FAM174A: variants seen among roughly 807,000 people sequenced by gnomAD.
FAM174A encodes the protein family with sequence similarity 174 member A.
A neutral mutation model predicts 14.3 loss-of-function variants in FAM174A; 14 were observed. The ratio of observed to expected loss-of-function variants is 0.98; its 90% confidence interval spans 0.65 to 1.53. FAM174A has a LOEUF of 1.53. Ranked by LOEUF, FAM174A falls within the 40% of genes most tolerant of loss-of-function variation. The probability of loss-of-function intolerance (pLI) is 0.00; values close to 1 mark genes in which losing one functional copy is unlikely to be tolerated. For synonymous variants in FAM174A, 108 were observed against 111.4 expected, an observed-to-expected ratio of 0.97 and a Z score of 0.19; for missense variants, 241 against 249.6, an observed-to-expected ratio of 0.97 and a Z score of 0.23.
At chr5:100,559,226 G>C (rs562761348) in intron 1 of FAM174A, among the ~76,000 whole-genome samples, 76 of 152,180 alleles carry the variant, frequency 5.0e-4, no homozygotes, top group African/African-American at 1.7e-3. Context: ...TGAAATTCGT[G>C]GTTGAAAATT....
At chr5:100,543,213 G>A (rs576100043) in intron 1 of FAM174A, among the ~76,000 whole-genome samples, 2 of 151,798 alleles carry the variant, frequency 1.3e-5, no homozygotes, top group East Asian at 3.9e-4. Context: ...TGCCTCCCGG[G>A]CTCAAGCCAT....
At chr5:100,572,586 A>G (rs1270800557) in intron 2 of FAM174A, among the ~76,000 whole-genome samples, 2 of 151,840 alleles carry the variant, frequency 1.3e-5, no homozygotes, top group African/African-American at 4.9e-5. Flanking sequence ...TGAACTCATC[A>G]TTTTTTATGG....
chr5:100,580,473 A>G (rs909007833), intron 2 of FAM174A, among the ~76,000 whole-genome samples: 2 of 152,190 alleles, frequency 1.3e-5, no homozygotes, highest in Non-Finnish European at 2.9e-5. Context: ...AAACTGAAGA[A>G]CTTGGAGTCC....
At chr5:100,553,091 A>C (rs1746297106) in intron 1 of FAM174A, among the ~76,000 whole-genome samples, 1 of 152,084 alleles carries the variant, frequency 6.6e-6, no homozygotes, top group Non-Finnish European at 1.5e-5. Flanking sequence ...ATATATATGT[A>C]ATTGTCAACA....
chr5:100,577,633 G>T lies in FAM174A; in HGVS notation c.570-8548G>T, dbSNP rs184098265. Among the ~76,000 whole-genome samples, 906 of 152,104 alleles carry T rather than the reference G, an allele frequency of 6.0e-3. 10 individuals carry two copies. Among genetic ancestry groups the T allele is most frequent in the Middle Eastern group, 0.01 (3 of 292 alleles). ...TCTAAAACACTGTCTTAATTGTTGG[G>T]TATAACATAGTATCAGAATAAACAC... On this transcript the variant is annotated intron_variant, in intron 2 of 2. Coordinates refer to ENST00000312637, the MANE Select transcript of FAM174A (RefSeq NM_198507.3).
intron 1 of FAM174A, among the ~76,000 whole-genome samples, chr5:100,558,117 C>CT (rs1337752478): frequency 6.6e-6 from 1 of 152,148 alleles, no homozygotes; most frequent in Non-Finnish European, 1.5e-5. Context: ...GAATGTGTCC[C>CT]AGAGATTCTG....
chr5:100,539,175 T>G (rs1746003081), intron 1 of FAM174A, among the ~76,000 whole-genome samples: 1 of 152,122 alleles, frequency 6.6e-6, no homozygotes, highest in Admixed American at 6.6e-5. Context: ...GCATGAAATT[T>G]ATTATGATAG....
At chr5:100,542,258 A>G (rs1207680676) in intron 1 of FAM174A, among the ~76,000 whole-genome samples, 1 of 152,174 alleles carries the variant, frequency 6.6e-6, no homozygotes, top group Non-Finnish European at 1.5e-5. Context: ...TTCTTACGGG[A>G]TAGATGATTC....
intron 2 of FAM174A, among the ~76,000 whole-genome samples, chr5:100,568,572 G>A (rs964985130): frequency 3.4e-5 from 5 of 148,496 alleles, no homozygotes; most frequent in African/African-American, 1.2e-4. Flanking sequence ...TCTCTCCTGG[G>A]TTCTTTTTTG....
At position 100,551,399 on chromosome 5, in the gene FAM174A, C is replaced by T. The variant is rs555373724; in HGVS notation, c.435-10655C>T. 7.9e-5 allele frequency among the ~76,000 whole-genome samples: 12 copies of T among 152,224 alleles called. No individual in the cohort carries two copies. The East Asian group carries it at 1.4e-3, about 17-fold the overall frequency. ...GGCCATCCTGACTAACAGGGAACTC[C>T]GCTAATGGGCAGCCTTTGCTTACAG... On this transcript the variant is annotated intron_variant, in intron 1 of 2. Transcript: ENST00000312637.
chr5:100,572,814 G>T (rs1244928663), intron 2 of FAM174A, among the ~76,000 whole-genome samples: 1 of 152,122 alleles, frequency 6.6e-6, no homozygotes, highest in African/African-American at 2.4e-5. Flanking sequence ...CTAGATCCCT[G>T]AGGAATCGCC....
chr5:100,565,477 A>C (rs1473153758), intron 2 of FAM174A, among the ~76,000 whole-genome samples: 2 of 151,900 alleles, frequency 1.3e-5, no homozygotes, highest in African/African-American at 4.8e-5. Context: ...ATGTAAGTTA[A>C]TAGCCAAAAA....
chr5:100,539,410 T>C (rs1034237779), intron 1 of FAM174A, among the ~76,000 whole-genome samples: 1 of 152,170 alleles, frequency 6.6e-6, no homozygotes, highest in Non-Finnish European at 1.5e-5. Flanking sequence ...AGAATATTAA[T>C]TTAATTTGAA....
chr5:100,554,643 AT>A (rs35228489), intron 1 of FAM174A, among the ~76,000 whole-genome samples: 48,820 of 151,884 alleles, frequency 0.32, 9,505 homozygotes, highest in African/African-American at 0.54. Flanking sequence ...AAGACAATAC[AT>A]TTATTATTTC....
chr5:100,545,505 T>C (rs1746147823), intron 1 of FAM174A, among the ~76,000 whole-genome samples: 1 of 152,130 alleles, frequency 6.6e-6, no homozygotes, highest in South Asian at 2.1e-4. Context: ...GCATGTAATG[T>C]CAATTCTTTC....
At chr5:100,551,383 G>C (rs1471989925) in intron 1 of FAM174A, among the ~76,000 whole-genome samples, 1 of 152,120 alleles carries the variant, frequency 6.6e-6, no homozygotes, top group Non-Finnish European at 1.5e-5. Context: ...TGGCCATCCT[G>C]ACTAACAGGG....
chr5:100,581,331 T>A, intron 2 of FAM174A: 2 of 976,992 alleles, frequency 2.0e-6, no homozygotes, highest in South Asian at 9.5e-5. Context: ...CCATATTGAT[T>A]CTCCACTTTT....
intron 2 of FAM174A, among the ~76,000 whole-genome samples, chr5:100,574,115 T>G (rs991090677): frequency 8.5e-5 from 13 of 152,194 alleles, no homozygotes; most frequent in African/African-American, 2.2e-4. Context: ...GTGAGCACAA[T>G]GTACCACTGA....
chr5:100,567,635 T>C (rs183182468), intron 2 of FAM174A, among the ~76,000 whole-genome samples: 3 of 152,104 alleles, frequency 2.0e-5, no homozygotes, highest in Non-Finnish European at 2.9e-5. Context: ...ATTAGCATTT[T>C]ATCTTATTCT....
Sources: gnomAD v4.1 joint callset for allele counts (sites outside exome capture counted in the v4.1 genomes callset) on GRCh38, gnomAD v4.1.1 for gene constraint, MANE v1.5 for transcripts, NCBI Gene and HGNC (gene_info 2026-07-23, HGNC 2026-07-21) for gene names.